The following RBFA variants were observed in gnomAD, a reference collection of about 807,000 sequenced individuals.
RBFA encodes the protein putative ribosome-binding factor A, mitochondrial.
Under a neutral mutation model 27.9 loss-of-function variants are expected in RBFA, and 16 were observed. The observed-to-expected ratio is 0.57, with a 90% CI of 0.39 to 0.87. The LOEUF is 0.87. Among genes scored for constraint, RBFA ranks in the 40% least tolerant of loss-of-function variants. RBFA has a pLI of 0.00. For missense variants in RBFA, 456 were observed against 432.1 expected, an observed-to-expected ratio of 1.06 and a Z score of -0.49; for synonymous variants, 181 against 181.0, an observed-to-expected ratio of 1.00 and a Z score of 0.00.
rs560631289 is a variant in RBFA, at chr18:80,046,664, C to T, written c.*509C>T. ...GGTCGGCACGTGGCGCCGGGGGCTC[C>T]GTCCCTGACTGGCCTCTTCACAGCT... is the stretch of plus-strand genomic sequence containing the variant. On this transcript the variant is annotated 3_prime_UTR_variant, in exon 7 of 7. Coordinates refer to ENST00000306735, the MANE Select transcript of RBFA (RefSeq NM_024805.3). Among the ~76,000 whole-genome samples, 6 of 152,224 alleles carry T rather than the reference C, an allele frequency of 3.9e-5. No homozygotes were observed. The highest frequency in any genetic ancestry group is 7.3e-5 in the Non-Finnish European group (5 of 68,038).
chr18:80,037,090 CAA>C (rs2051984374), intron 2 of RBFA, among the ~76,000 whole-genome samples: 1 of 152,296 alleles, frequency 6.6e-6, no homozygotes, highest in African/African-American at 2.4e-5. Context: ...TATATCTCAA[CAA>C]AAACTTTTTT....
At chr18:80,038,842 A>G (rs754380237) in intron 4 of RBFA, among the ~76,000 whole-genome samples, 6 of 152,158 alleles carry the variant, frequency 3.9e-5, no homozygotes, top group Non-Finnish European at 8.8e-5. Flanking sequence ...GGATCTGGAG[A>G]TCCTGTCAGG....
chr18:80,042,084 C>T (rs2145147170), intron 4 of RBFA, 51 bp from the exon 5 acceptor site: 2 of 1,388,438 alleles, frequency 1.4e-6, no homozygotes, highest in African/African-American at 2.9e-5. Context: ...TCACGCCTCT[C>T]CACTGAGTGT....
In RBFA at chr18:80,044,369, G is replaced by A. The variant is rs932585294; in HGVS notation, c.650+84G>A. The A allele has an allele frequency of 3.2e-5, 38 of 1,206,302 alleles. 1 individual carries two copies. The highest frequency in any genetic ancestry group is 2.1e-4 in the African/African-American group (14 of 67,004). The allele number at this position is 1,206,302 out of a possible 1,614,324, so 74.7% of individuals were successfully genotyped here. A position where few individuals can be genotyped will look rare whatever the true frequency, so the allele number is the denominator to read the frequency against. ...CCATTTTCCAGAGCAGCTGCCCAGCGCCACATCCCGAGTAGCCTGCATGAT... is the reference window on the plus strand; with the variant it reads ...CCATTTTCCAGAGCAGCTGCCCAGCACCACATCCCGAGTAGCCTGCATGAT... On this transcript the variant is annotated intron_variant, in intron 6 of 6. Coordinates refer to ENST00000306735, the MANE Select transcript of RBFA (RefSeq NM_024805.3).
chr18:80,038,004 T>G (rs1332580604), intron 3 of RBFA, among the ~76,000 whole-genome samples: 3 of 152,200 alleles, frequency 2.0e-5, no homozygotes, highest in Admixed American at 1.3e-4. Context: ...GTGTCTGTGC[T>G]GTGCAGAGGC....
In RBFA at chr18:80,044,261, A is replaced by G. The variant is rs753423782; in HGVS notation, c.626A>G (p.Asp209Gly). ...GACTTTGGACCCCGGGATGAAAGAG[A>G]CAACTTTGTACAAAATGATTTCAGG... ...VADFGPRDERDNFVQNDFRDP... is the reference protein window; with the variant it reads ...VADFGPRDERGNFVQNDFRDP... Residue 209 changes from aspartate to glycine, a missense_variant, in exon 6 of 7, where the codon GAC becomes GGC. Coordinates refer to ENST00000306735, the MANE Select transcript of RBFA (RefSeq NM_024805.3). 11 of 1,613,988 alleles carry G rather than the reference A, an allele frequency of 6.8e-6. No individual in the cohort carries two copies. The African/African-American group carries it at 1.5e-4, about 22-fold the overall frequency.
At position 80,034,480 on chromosome 18, in the gene RBFA, G is replaced by C. The variant is rs746727784; in HGVS notation, c.-16G>C. 3 of 1,516,072 alleles carry C rather than the reference G, an allele frequency of 2.0e-6. No individual in the cohort carries two copies. Among genetic ancestry groups the C allele is most frequent in the African/African-American group, 2.9e-5 (2 of 68,136 alleles). 93.9% of individuals were successfully genotyped at this position (1,516,072 alleles called of 1,614,324 possible). A position where few individuals can be genotyped will look rare whatever the true frequency, so the allele number is the denominator to read the frequency against. ...CCCGTTGTCTCCCTGCTCGCTCCGGGTCCCGGCGCCGCGCCATGTGGGCTG... is the reference window on the plus strand; with the variant it reads ...CCCGTTGTCTCCCTGCTCGCTCCGGCTCCCGGCGCCGCGCCATGTGGGCTG... On this transcript the variant is annotated 5_prime_UTR_variant, in exon 1 of 7. Coordinates refer to ENST00000306735, the MANE Select transcript of RBFA (RefSeq NM_024805.3).
intron 1 of RBFA, 34 bp from the exon 2 acceptor site, chr18:80,036,634 C>A: frequency 6.4e-7 from 1 of 1,567,392 alleles, no homozygotes; most frequent in Non-Finnish European, 8.8e-7. Context: ...TTGACTTTGC[C>A]ATCACTAACA....
rs1246285772 is a variant in RBFA, at chr18:80,049,677, G to A, written c.*3522G>A. On this transcript the variant is annotated 3_prime_UTR_variant, in exon 7 of 7. Coordinates refer to ENST00000306735, the MANE Select transcript of RBFA (RefSeq NM_024805.3). ...TGGGGGCTCATAAAACCAGACTGTC[G>A]GCCACTTCAGCCTTCTGGTTCGCTG... is the stretch of plus-strand genomic sequence containing the variant. Among the ~76,000 whole-genome samples, 4 of 152,304 alleles carry A rather than the reference G, an allele frequency of 2.6e-5. No homozygotes were observed. The highest frequency in any genetic ancestry group is 2.1e-4 in the South Asian group (1 of 4,824).
chr18:80,041,164 T>C (rs1469183472), intron 4 of RBFA: 5 of 152,216 alleles, frequency 3.3e-5, no homozygotes, highest in Admixed American at 3.3e-4. Flanking sequence ...TATCAGAGAA[T>C]GCTTATTTCT....
At position 80,046,055 on chromosome 18, in the gene RBFA, C is replaced by T. The variant is rs537783720; in HGVS notation, c.932C>T (p.Pro311Leu). The change falls in exon 7 of 7, where the codon CCG (proline) becomes CTG (leucine). Residue 311 changes from proline (P) to leucine (L), a missense_variant. Coordinates refer to ENST00000306735, the MANE Select transcript of RBFA (RefSeq NM_024805.3). ...VEDDLDLVGA[P>L]EYECYAPDTE... ...GATGACCTGGACCTGGTTGGTGCCC[C>T]GGAGTACGAATGCTATGCCCCGGAC... The T allele has an allele frequency of 4.2e-5, 67 of 1,613,956 alleles. 1 individual carries two copies. In the South Asian group the frequency reaches 5.5e-4, roughly 13 times the overall value.
At chr18:80,041,667 T>C (rs1197624819) in intron 4 of RBFA, 1 of 152,252 alleles carries the variant, frequency 6.6e-6, no homozygotes, top group African/African-American at 2.4e-5. Flanking sequence ...AAGATGACTC[T>C]TCTGGGCTGA....
chr18:80,045,697 CTGTTG>C (rs1230210700), intron 6 of RBFA, 72 bp from the exon 7 acceptor site: 116 of 1,444,970 alleles, frequency 8.0e-5, no homozygotes, highest in Non-Finnish European at 9.6e-5. Context: ...GTGTGATGTG[CTGTTG>C]TGTTGTGGCG....
At chr18:80,045,719 C>T (rs1270687782) in intron 6 of RBFA, 55 bp from the exon 7 acceptor site, 8 of 1,481,852 alleles carry the variant, frequency 5.4e-6, no homozygotes, top group Non-Finnish European at 7.2e-6. Flanking sequence ...GGCGACGACA[C>T]TGTGGACTAG....
Position 80,050,459 on chromosome 18 carries a change from A to G in RBFA, c.*4304A>G, listed in dbSNP as rs2052088495. ...GCACATCATGGAGACTGGGGCACCC[A>G]TCCCCTCAAGCATTTATCCTTTGTG... On this transcript the variant is annotated 3_prime_UTR_variant, in exon 7 of 7. Coordinates refer to ENST00000306735, the MANE Select transcript of RBFA (RefSeq NM_024805.3). Among the ~76,000 whole-genome samples, 1 of 152,256 alleles carries G rather than the reference A, an allele frequency of 6.6e-6. No individual in the cohort carries two copies. The highest frequency in any genetic ancestry group is 2.1e-4 in the South Asian group (1 of 4,836).
intron 6 of RBFA, among the ~76,000 whole-genome samples, chr18:80,044,961 C>T (rs540572456): frequency 3.9e-5 from 6 of 152,354 alleles, no homozygotes; most frequent in South Asian, 4.1e-4. Context: ...CAAAGCTCCA[C>T]GCTGTAGCAG....
intron 3 of RBFA, 49 bp downstream of exon 3, chr18:80,037,555 G>A (rs768437209): frequency 6.6e-7 from 1 of 1,525,184 alleles, no homozygotes; most frequent in South Asian, 1.2e-5. Context: ...AGCAGGCCTG[G>A]CACTTACTTT....
chr18:80,036,795 C>A, intron 2 of RBFA, 85 bp downstream of exon 2: 1 of 969,756 alleles, frequency 1.0e-6, no homozygotes, highest in East Asian at 2.5e-5. Context: ...GAGGTCTTTC[C>A]ATTTCTGTAT....
Position 80,044,169 on chromosome 18 carries a change from TG to T in RBFA, c.577-39del, listed in dbSNP as rs1219219825. 9 of 1,527,648 alleles carry T rather than the reference TG, an allele frequency of 5.9e-6. No homozygotes were observed. The African/African-American group carries it at 1.1e-4, about 19-fold the overall frequency. 94.6% of individuals were successfully genotyped at this position (1,527,648 alleles called of 1,614,324 possible). A position where few individuals can be genotyped will look rare whatever the true frequency, so the allele number is the denominator to read the frequency against. On this transcript the variant is annotated intron_variant, in intron 5 of 6. Coordinates refer to ENST00000306735, the MANE Select transcript of RBFA (RefSeq NM_024805.3). ...TGGAGCCCGGCTGTAAGTATGGTGGTGGGGATGTGGCTAACGGGTTTACCCT... is the reference window on the plus strand; with the variant it reads ...TGGAGCCCGGCTGTAAGTATGGTGGTGGGATGTGGCTAACGGGTTTACCCT...
Sources: allele counts gnomAD v4.1 joint callset (sites outside exome capture counted in the v4.1 genomes callset), GRCh38; gene constraint gnomAD v4.1.1; transcripts MANE v1.5; gene names NCBI Gene and HGNC (gene_info 2026-07-23, HGNC 2026-07-21).